Variants in PTPRD observed in about 807,000 individuals in gnomAD.
The protein encoded by PTPRD is receptor-type tyrosine-protein phosphatase delta.
In PTPRD, 34 loss-of-function variants were observed where a neutral mutation model predicts 214.5. The ratio of observed to expected loss-of-function variants is 0.16; its 90% CI spans 0.12 to 0.21. The LOEUF (loss-of-function observed/expected upper bound fraction) is 0.21. Ranked by LOEUF, PTPRD falls within the 10% of genes least tolerant of loss-of-function variation. The probability of loss-of-function intolerance (pLI) is 1.00; values close to 1 mark genes in which losing one functional copy is unlikely to be tolerated. For missense variants in PTPRD, 2,545 were observed against 2,398.7 expected (o/e 1.06, Z -1.27); for synonymous variants, 1,128 against 845.7 (o/e 1.33, Z -5.79).
In PTPRD at chr9:10,560,031, C is replaced by A. The variant is rs571507563; in HGVS notation, c.-600+52367G>T. ...CTTCAGGGATCTAGAACTAGAAATA[C>A]CATTTGACCCAGCCATCCATTACTG... On this transcript the variant is annotated intron_variant, in intron 2 of 45. Coordinates refer to ENST00000381196, the MANE Select transcript of PTPRD (RefSeq NM_002839.4). Among the ~76,000 whole-genome samples the A allele has an allele frequency of 7.2e-5, 11 of 152,220 alleles. 1 individual carries two copies. Among genetic ancestry groups the A allele is most frequent in the Admixed American group, 2.0e-4 (3 of 15,286 alleles).
chr9:8,975,137 A>C (rs532157578), intron 11 of PTPRD, among the ~76,000 whole-genome samples: 2 of 151,860 alleles, frequency 1.3e-5, no homozygotes, highest in Non-Finnish European at 2.9e-5. Flanking sequence ...CTGTTTATCA[A>C]AGTAGTTTGA....
chr9:8,952,274 C>T (rs919730043), intron 11 of PTPRD, among the ~76,000 whole-genome samples: 2 of 152,012 alleles, frequency 1.3e-5, no homozygotes, highest in Non-Finnish European at 2.9e-5. Flanking sequence ...TATGTTCTTA[C>T]ATGTCAAATC....
At chr9:9,143,023 A>G (rs2099862890) in intron 10 of PTPRD, among the ~76,000 whole-genome samples, 1 of 151,790 alleles carries the variant, frequency 6.6e-6, no homozygotes, top group African/African-American at 2.4e-5. Context: ...TCTCTCCACA[A>G]AGCTTTCTGT....
chr9:9,149,785 G>A (rs2099874972), intron 10 of PTPRD, among the ~76,000 whole-genome samples: 1 of 152,200 alleles, frequency 6.6e-6, no homozygotes, highest in Admixed American at 6.5e-5. Flanking sequence ...ACCTTGGGGT[G>A]ACAGGCATTT....
At chr9:9,162,837 A>G (rs2099892939) in intron 10 of PTPRD, among the ~76,000 whole-genome samples, 1 of 152,028 alleles carries the variant, frequency 6.6e-6, no homozygotes, top group African/African-American at 2.4e-5. Flanking sequence ...TTTTCCTGCA[A>G]TATGCCAACA....
intron 11 of PTPRD, among the ~76,000 whole-genome samples, chr9:8,846,277 C>G (rs775074604): frequency 5.3e-5 from 8 of 152,116 alleles, no homozygotes; most frequent in Non-Finnish European, 1.0e-4. Flanking sequence ...TGAACTAATT[C>G]ACCTCTGAGT....
intron 5 of PTPRD, among the ~76,000 whole-genome samples, chr9:9,893,482 T>G (rs1485510391): frequency 6.6e-6 from 1 of 152,100 alleles, no homozygotes; most frequent in African/African-American, 2.4e-5. Flanking sequence ...AATAGATTTC[T>G]GCTTTTAATA....
chr9:8,553,931 G>A (rs1676685138), intron 14 of PTPRD, among the ~76,000 whole-genome samples: 1 of 152,184 alleles, frequency 6.6e-6, no homozygotes, highest in Non-Finnish European at 1.5e-5. Context: ...GCTCACGCCT[G>A]TAATCCTAGC....
intron 3 of PTPRD, among the ~76,000 whole-genome samples, chr9:10,290,531 A>C (rs990416925): frequency 3.9e-5 from 6 of 152,180 alleles, no homozygotes; most frequent in Non-Finnish European, 7.4e-5. Flanking sequence ...CCATATGTTT[A>C]AAAATTACAG....
At position 10,449,439 on chromosome 9, in the gene PTPRD, G is replaced by A. The variant is rs1239512113; in HGVS notation, c.-599-108422C>T. Among the ~76,000 whole-genome samples, 8 of 151,900 alleles carry A rather than the reference G, an allele frequency of 5.3e-5. No individual in the cohort carries two copies. In the East Asian group the frequency reaches 7.8e-4, roughly 15 times the overall value. Reference sequence around the variant, plus strand: ...CTTGGCCTCCCAAAGTACCAAGATGGCAGCCTCCGCCCGGCGGCCACCCCG... The same window carrying A: ...CTTGGCCTCCCAAAGTACCAAGATGACAGCCTCCGCCCGGCGGCCACCCCG... On this transcript the variant is annotated intron_variant, in intron 2 of 45. Coordinates refer to ENST00000381196, the MANE Select transcript of PTPRD (RefSeq NM_002839.4).
Position 8,317,883 on chromosome 9 carries a change from A to G in PTPRD, c.5730T>C (p.Tyr1910=), listed in dbSNP as rs1457802581. The stretch of plus-strand genomic sequence containing the variant: ...AATGGGTCAGGGGTTTCTACGTTGC[A>G]TAGTGGTCAAAGCTGCCCAGGTACT... ...ALEYLGSFDH[Y]AT Residue 1910 remains tyrosine (Y), a synonymous_variant, in exon 46 of 46, where the codon TAT becomes TAC. Coordinates refer to ENST00000381196, the MANE Select transcript of PTPRD (RefSeq NM_002839.4). 2 of 1,612,232 alleles carry G rather than the reference A, an allele frequency of 1.2e-6. No individual in the cohort carries two copies. Among genetic ancestry groups the G allele is most frequent in the Non-Finnish European group, 1.7e-6 (2 of 1,178,684 alleles).
At chr9:9,840,213 T>A (rs886201022) in intron 5 of PTPRD, among the ~76,000 whole-genome samples, 5 of 151,956 alleles carry the variant, frequency 3.3e-5, no homozygotes, top group African/African-American at 1.2e-4. Context: ...AATTTTTGCA[T>A]TTTTTGTAGA....
chr9:8,782,685 C>T (rs1317376399), intron 11 of PTPRD, among the ~76,000 whole-genome samples: 4 of 151,628 alleles, frequency 2.6e-5, no homozygotes, highest in South Asian at 4.2e-4. Flanking sequence ...GCAACCTCCA[C>T]CTCCCGAGTT....
intron 3 of PTPRD, among the ~76,000 whole-genome samples, chr9:10,086,052 C>T (rs780976428): frequency 4.7e-4 from 71 of 151,298 alleles, no homozygotes; most frequent in Non-Finnish European, 8.9e-4. Flanking sequence ...AAATTAGTTG[C>T]GAGGATAACT....
At chr9:8,632,844 G>C (rs1465573469) in intron 14 of PTPRD, among the ~76,000 whole-genome samples, 1 of 151,918 alleles carries the variant, frequency 6.6e-6, no homozygotes, top group African/African-American at 2.4e-5. Context: ...TTTCACATAA[G>C]ACAGGTGCAT....
intron 10 of PTPRD, among the ~76,000 whole-genome samples, chr9:9,089,866 T>C (rs1285632022): frequency 6.6e-6 from 1 of 152,180 alleles, no homozygotes; most frequent in Non-Finnish European, 1.5e-5. Flanking sequence ...CTGCCATATT[T>C]ACTCCTTTCA....
At chr9:9,901,040 G>A (rs2153808106) in intron 5 of PTPRD, among the ~76,000 whole-genome samples, 1 of 152,250 alleles carries the variant, frequency 6.6e-6, no homozygotes, top group South Asian at 2.1e-4. Flanking sequence ...TCTGCAGGCT[G>A]TACAACAATG....
intron 5 of PTPRD, among the ~76,000 whole-genome samples, chr9:9,787,686 T>A (rs2098935326): frequency 6.6e-6 from 1 of 151,756 alleles, no homozygotes; most frequent in Non-Finnish European, 1.5e-5. Context: ...CTACAAAAGG[T>A]CAGAGACCTG....
intron 14 of PTPRD, among the ~76,000 whole-genome samples, chr9:8,547,460 T>G (rs1283027208): frequency 6.6e-6 from 1 of 151,926 alleles, no homozygotes; most frequent in African/African-American, 2.4e-5. Flanking sequence ...CTGGGTAACA[T>G]GGTGAAAACC....
Sources: allele counts gnomAD v4.1 joint callset (sites outside exome capture counted in the v4.1 genomes callset), GRCh38; gene constraint gnomAD v4.1.1; transcripts MANE v1.5; gene names NCBI Gene and HGNC (gene_info 2026-07-23, HGNC 2026-07-21).